The following OR8H2 variants were observed in gnomAD, a reference collection of about 807,000 sequenced individuals.
OR8H2 encodes the protein olfactory receptor 8H2.
For synonymous variants in OR8H2, 157 were observed against 139.2 expected (o/e 1.13, Z -0.90); for missense variants, 374 against 371.1 (o/e 1.01, Z -0.06).
intron 1 of OR8H2, among the ~76,000 whole-genome samples, chr11:56,104,625 T>A (rs1277328208): frequency 7.2e-5 from 11 of 152,178 alleles, no homozygotes; most frequent in Non-Finnish European, 1.6e-4. Context: ...AATGTGTTAA[T>A]AAAGGAAGTC....
In OR8H2 at chr11:56,105,689, C is replaced by A; in HGVS notation, c.647C>A (p.Ala216Glu). The A allele has an allele frequency of 6.2e-7, 1 of 1,614,092 alleles. No homozygotes were observed. Among genetic ancestry groups the A allele is most frequent in the Non-Finnish European group, 8.5e-7 (1 of 1,179,922 alleles). Residue 216 changes from alanine (A) to glutamate (E), a missense_variant, in exon 2 of 2, where the codon GCA becomes GAA. Transcript: ENST00000313503. ...ATGGTGTCCCTTTTCACAATATCTG[C>A]ATCCTATGTGTTCATTCTCTTTACC... Reference protein sequence around the residue: ...TLMVSLFTISASYVFILFTIL... With the variant: ...TLMVSLFTISESYVFILFTIL...
chr11:56,105,587 C>A lies in OR8H2; in HGVS notation c.545C>A (p.Ser182Tyr), dbSNP rs1854042954. The A allele has an allele frequency of 1.2e-6, 2 of 1,613,998 alleles. No homozygotes were observed. The highest frequency in any genetic ancestry group is 1.7e-6 in the Non-Finnish European group (2 of 1,180,006). Residue 182 changes from serine (S) to tyrosine (Y), a missense_variant, in exon 2 of 2, where the codon TCC (serine) becomes TAC (tyrosine). Coordinates refer to ENST00000313503, the MANE Select transcript of OR8H2 (RefSeq NM_001386064.1). ...NVIHHFFCDTSPILALSCTDT... is the reference protein window; with the variant it reads ...NVIHHFFCDTYPILALSCTDT... ...ATTCATCACTTTTTCTGTGACACTT[C>A]CCCAATTTTAGCTCTGTCCTGCACT...
rs766583435 is a variant in OR8H2, at chr11:56,105,646, A to T, written c.604A>T (p.Ile202Phe). ...CAACACCGAAATCCTGATATTCATT[A>T]TTGTTGGTTCCACCCTGATGGTGTC... ...TYNTEILIFI[I>F]VGSTLMVSLF... Residue 202 changes from isoleucine to phenylalanine, a missense_variant, in exon 2 of 2, where the codon ATT becomes TTT. Physicochemically the swap from Ile to Phe is conservative, Grantham distance 21 (BLOSUM62 0). Transcript: ENST00000313503. 4 of 1,614,044 alleles carry T rather than the reference A, an allele frequency of 2.5e-6. No homozygotes were observed. The highest frequency in any genetic ancestry group is 1.7e-6 in the Non-Finnish European group (2 of 1,179,914).
At position 56,105,916 on chromosome 11, in the gene OR8H2, C is replaced by T. The variant is rs1462645167; in HGVS notation, c.874C>T (p.Leu292Phe). The change falls in exon 2 of 2, where the codon CTT becomes TTT. Residue 292 changes from leucine (L) to phenylalanine (F), a missense_variant. By Grantham distance (22) the Leu-to-Phe change is conservative. Coordinates refer to ENST00000313503, the MANE Select transcript of OR8H2 (RefSeq NM_001386064.1). ...IPVLNPLIYS[L>F]RNKEVKNAVI... ...CGTGCTGAATCCACTCATTTATAGT[C>T]TTAGAAACAAAGAGGTGAAAAATGC... 5.0e-6 allele frequency: 8 copies of T among 1,606,822 alleles called. No individual in the cohort carries two copies. The highest frequency in any genetic ancestry group is 5.9e-6 in the Non-Finnish European group (7 of 1,177,088).
In OR8H2 at chr11:56,105,619, T is replaced by A; in HGVS notation, c.577T>A (p.Tyr193Asn). ...PILALSCTDT[Y>N]NTEILIFIIV... is the part of the protein sequence containing the mutation. ...TTTAGCTCTGTCCTGCACTGATACA[T>A]ACAACACCGAAATCCTGATATTCAT... is the stretch of plus-strand genomic sequence containing the variant. The change falls in exon 2 of 2, where the codon TAC becomes AAC. Residue 193 changes from tyrosine to asparagine, a missense_variant. Physicochemically the swap from Tyr to Asn is moderately radical, Grantham distance 143 (BLOSUM62 -2). Coordinates refer to ENST00000313503, the MANE Select transcript of OR8H2 (RefSeq NM_001386064.1). 6.2e-7 allele frequency: 1 copy of A among 1,614,122 alleles called. No homozygotes were observed. The highest frequency in any genetic ancestry group is 8.5e-7 in the Non-Finnish European group (1 of 1,179,940).
Position 56,105,302 on chromosome 11 carries a change from T to G in OR8H2, c.260T>G (p.Leu87Arg), listed in dbSNP as rs560991976. The change falls in exon 2 of 2, where the codon CTG becomes CGG. Residue 87 changes from leucine (L) to arginine (R), a missense_variant. Coordinates refer to ENST00000313503, the MANE Select transcript of OR8H2 (RefSeq NM_001386064.1). Reference sequence around the variant, plus strand: ...ACACCTAAAACCTTAGCGAACTTACTGACTTCCAACTATATTTCCTTTACG... The same window carrying G: ...ACACCTAAAACCTTAGCGAACTTACGGACTTCCAACTATATTTCCTTTACG... ...VVTPKTLANL[L>R]TSNYISFTGC... is the part of the protein sequence containing the mutation. 6.6e-5 allele frequency: 106 copies of G among 1,614,226 alleles called. 1 individual carries two copies. In the South Asian group the frequency reaches 1.2e-3, roughly 18 times the overall value.
At position 56,105,484 on chromosome 11, in the gene OR8H2, C is replaced by T; in HGVS notation, c.442C>T (p.Pro148Ser). 3 of 1,614,172 alleles carry T rather than the reference C, an allele frequency of 1.9e-6. No individual in the cohort carries two copies. The highest frequency in any genetic ancestry group is 2.5e-6 in the Non-Finnish European group (3 of 1,180,022). The change falls in exon 2 of 2, where the codon CCT (proline) becomes TCT (serine). Residue 148 changes from proline (P) to serine (S), a missense_variant. Coordinates refer to ENST00000313503, the MANE Select transcript of OR8H2 (RefSeq NM_001386064.1). ...KRLCLALITGPYVIGFIDSFV... is the reference protein window; with the variant it reads ...KRLCLALITGSYVIGFIDSFV... The stretch of plus-strand genomic sequence containing the variant: ...GCTCTGCCTCGCTCTCATCACTGGG[C>T]CTTATGTGATTGGCTTTATAGACTC...
Position 56,105,855 on chromosome 11 carries a change from T to C in OR8H2, c.813T>C (p.Asp271=), listed in dbSNP as rs1243193151. Reference sequence around the variant, plus strand: ...GAAAGTCTTATTCCTTGGGAAGAGATCAAGTGGCTTCTGTTTTTTATACTA... The same window carrying C: ...GAAAGTCTTATTCCTTGGGAAGAGACCAAGTGGCTTCTGTTTTTTATACTA... The part of the protein sequence containing the change: ...KPRKSYSLGR[D]QVASVFYTIV... The change falls in exon 2 of 2, where the codon GAT becomes GAC. Residue 271 remains aspartate (D), a synonymous_variant. Transcript: ENST00000313503. The C allele has an allele frequency of 1.9e-6, 3 of 1,612,386 alleles. No homozygotes were observed. Among genetic ancestry groups the C allele is most frequent in the Non-Finnish European group, 2.5e-6 (3 of 1,178,472 alleles).
At chr11:56,104,439 A>G (rs1479760491) in intron 1 of OR8H2, among the ~76,000 whole-genome samples, 1 of 152,164 alleles carries the variant, frequency 6.6e-6, no homozygotes, top group Non-Finnish European at 1.5e-5. Context: ...TTTATAAACA[A>G]GAGTATAGTA....
rs1854064413 is a variant in OR8H2, at chr11:56,107,038, A to G, written c.*1057A>G. ...AATTTGTATCACTTTCCATGTACTG[A>G]TTTTCAGCTTTCTGTATCCATTTAC... On this transcript the variant is annotated 3_prime_UTR_variant, in exon 2 of 2. Coordinates refer to ENST00000313503, the MANE Select transcript of OR8H2 (RefSeq NM_001386064.1). The G allele has an allele frequency of 6.6e-6, 1 of 151,878 alleles. No individual in the cohort carries two copies. Among genetic ancestry groups the G allele is most frequent in the South Asian group, 2.1e-4 (1 of 4,832 alleles). The allele number at this position is 151,878 out of a possible 1,614,324, so 9.4% of individuals were successfully genotyped here.
In OR8H2 at chr11:56,106,813, T is replaced by C. The variant is rs1338089585; in HGVS notation, c.*832T>C. 2.6e-5 allele frequency: 4 copies of C among 152,002 alleles called. No homozygotes were observed. Among genetic ancestry groups the C allele is most frequent in the Non-Finnish European group, 5.9e-5 (4 of 67,888 alleles). The allele number at this position is 152,002 out of a possible 1,614,324, so 9.4% of individuals were successfully genotyped here. A position where few individuals can be genotyped will look rare whatever the true frequency, so the allele number is the denominator to read the frequency against. On this transcript the variant is annotated 3_prime_UTR_variant, in exon 2 of 2. Transcript: ENST00000313503. The stretch of plus-strand genomic sequence containing the variant: ...AATGTTGGAGAAAATTTGAAAAATA[T>C]TACAAAATATTGAAGAAAATAGAAA...
rs968933056 is a variant in OR8H2 at position 56,107,457 on chromosome 11, G to C, written c.*1476G>C. On this transcript the variant is annotated 3_prime_UTR_variant, in exon 2 of 2. Transcript: ENST00000313503. ...AACAGCCCACAAATTTAGTCAGGCA[G>C]AGTGCTAAAATGTCTTTTATTTTTA... 13 of 151,924 alleles carry C rather than the reference G, an allele frequency of 8.6e-5. No individual in the cohort carries two copies. Among genetic ancestry groups the C allele is most frequent in the Non-Finnish European group, 1.9e-4 (13 of 67,816 alleles). 9.4% of individuals were successfully genotyped at this position (151,924 alleles called of 1,614,324 possible).
chr11:56,106,794 G>A lies in OR8H2; in HGVS notation c.*813G>A, dbSNP rs1467966154. The A allele has an allele frequency of 6.6e-6, 1 of 151,880 alleles. No homozygotes were observed. Among genetic ancestry groups the A allele is most frequent in the Admixed American group, 6.6e-5 (1 of 15,244 alleles). 9.4% of individuals were successfully genotyped at this position (151,880 alleles called of 1,614,324 possible). ...AAATAGCCTATATTAAGATAATGTT[G>A]GAGAAAATTTGAAAAATATTACAAA... is the stretch of plus-strand genomic sequence containing the variant. On this transcript the variant is annotated 3_prime_UTR_variant, in exon 2 of 2. Coordinates refer to ENST00000313503, the MANE Select transcript of OR8H2 (RefSeq NM_001386064.1).
chr11:56,106,206 T>C lies in OR8H2; in HGVS notation c.*225T>C, dbSNP rs974463281. 1.2e-5 allele frequency: 4 copies of C among 336,792 alleles called. No individual in the cohort carries two copies. The highest frequency in any genetic ancestry group is 2.1e-5 in the Non-Finnish European group (4 of 187,354). The allele number at this position is 336,792 out of a possible 1,614,324, so 20.9% of individuals were successfully genotyped here. ...TAATATGTGTGTCATGTTTTCAGTCTACATATATGTGTTTGAAGCAACTGA... is the reference window on the plus strand; with the variant it reads ...TAATATGTGTGTCATGTTTTCAGTCCACATATATGTGTTTGAAGCAACTGA... On this transcript the variant is annotated 3_prime_UTR_variant, in exon 2 of 2. Transcript: ENST00000313503.
chr11:56,104,887 C>A lies in OR8H2; in HGVS notation c.-156C>A. 1 of 611,430 alleles carries A rather than the reference C, an allele frequency of 1.6e-6. No homozygotes were observed. 37.9% of individuals were successfully genotyped at this position (611,430 alleles called of 1,614,324 possible). A position where few individuals can be genotyped will look rare whatever the true frequency, so the allele number is the denominator to read the frequency against. On this transcript the variant is annotated 5_prime_UTR_variant, in exon 2 of 2. Coordinates refer to ENST00000313503, the MANE Select transcript of OR8H2 (RefSeq NM_001386064.1). ...TTTGAGTCAGAGTCTGGCACAGTCG[C>A]CAGGGCTGGAATGCAATGGTGCGAT...
rs1854062841 is a variant in OR8H2 at position 56,106,965 on chromosome 11, T to C, written c.*984T>C. 1.3e-5 allele frequency: 2 copies of C among 152,004 alleles called. No individual in the cohort carries two copies. Among genetic ancestry groups the C allele is most frequent in the Non-Finnish European group, 2.9e-5 (2 of 67,828 alleles). 9.4% of individuals were successfully genotyped at this position (152,004 alleles called of 1,614,324 possible). A position where few individuals can be genotyped will look rare whatever the true frequency, so the allele number is the denominator to read the frequency against. Reference sequence around the variant, plus strand: ...ATATTGAGTTTTGTGCATGTTCTTCTAGATCAATAGTTTCAAATATGTGCA... The same window carrying C: ...ATATTGAGTTTTGTGCATGTTCTTCCAGATCAATAGTTTCAAATATGTGCA... On this transcript the variant is annotated 3_prime_UTR_variant, in exon 2 of 2. Coordinates refer to ENST00000313503, the MANE Select transcript of OR8H2 (RefSeq NM_001386064.1).
chr11:56,107,439 C>G lies in OR8H2; in HGVS notation c.*1458C>G, dbSNP rs1191105605. On this transcript the variant is annotated 3_prime_UTR_variant, in exon 2 of 2. Coordinates refer to ENST00000313503, the MANE Select transcript of OR8H2 (RefSeq NM_001386064.1). ...AATGAATTCAGATGTTGTAACAGCC[C>G]ACAAATTTAGTCAGGCAGAGTGCTA... 1 of 151,782 alleles carries G rather than the reference C, an allele frequency of 6.6e-6. No individual in the cohort carries two copies. The highest frequency in any genetic ancestry group is 2.4e-5 in the African/African-American group (1 of 41,380). 9.4% of individuals were successfully genotyped at this position (151,782 alleles called of 1,614,324 possible).
At position 56,105,977 on chromosome 11, in the gene OR8H2, G is replaced by T; in HGVS notation, c.935G>T (p.Arg312Met). 1 of 1,531,004 alleles carries T rather than the reference G, an allele frequency of 6.5e-7. No individual in the cohort carries two copies. The highest frequency in any genetic ancestry group is 8.8e-7 in the Non-Finnish European group (1 of 1,131,090). 94.8% of individuals were successfully genotyped at this position (1,531,004 alleles called of 1,614,324 possible). The change falls in exon 2 of 2, where the codon AGG becomes ATG. Residue 312 changes from arginine (R) to methionine (M), a missense_variant. Arg to Met is a moderately conservative substitution (Grantham distance 91). Coordinates refer to ENST00000313503, the MANE Select transcript of OR8H2 (RefSeq NM_001386064.1). ...GTCATGCAGAGAAGACAGGACTCCA[G>T]GTAATTAATATAGCAGGAATGCTGA... ...IRVMQRRQDSR is the reference protein window; with the variant it reads ...IRVMQRRQDSM
At position 56,105,444 on chromosome 11, in the gene OR8H2, TA is replaced by T. The variant is rs776044336; in HGVS notation, c.403del (p.Ile135LeufsTer16). 6 of 1,614,196 alleles carry T rather than the reference TA, an allele frequency of 3.7e-6. No individual in the cohort carries two copies. The South Asian group carries it at 6.6e-5, about 18-fold the overall frequency. On this transcript the variant is annotated frameshift_variant, in exon 2 of 2. Transcript: ENST00000313503. LOFTEE classifies it low-confidence loss of function (END_TRUNC). ...TCTGCAGTCCTCTACACTACACAGT[TA>T]TTATGTCCAAAAGGCTCTGCCTCGC... ...AICSPLHYTVIMSKRLCLALI... is the reference protein window; with the variant it reads ...AICSPLHYTVXMSKRLCLALI...
Sources: allele counts gnomAD v4.1 joint callset (sites outside exome capture counted in the v4.1 genomes callset), GRCh38; gene constraint gnomAD v4.1.1; transcripts MANE v1.5; gene names NCBI Gene and HGNC (gene_info 2026-07-23, HGNC 2026-07-21).